SLCO6A1: variants seen among roughly 807,000 people sequenced by gnomAD.
SLCO6A1 encodes cancer/testis antigen 48.
Under a neutral mutation model 72.7 loss-of-function variants are expected in SLCO6A1, and 65 were observed. The observed-to-expected ratio is 0.89, with a 90% CI of 0.73 to 1.10. The LOEUF (loss-of-function observed/expected upper bound fraction) is 1.10. Among genes scored for constraint, SLCO6A1 ranks in the 50% least tolerant of loss-of-function variants. The pLI is 0.00. For missense variants in SLCO6A1, 874 were observed against 872.6 expected (o/e 1.00, Z -0.02); for synonymous variants, 314 against 298.2 (o/e 1.05, Z -0.55).
At chr5:102,401,990 A>G (rs912967427) in intron 9 of SLCO6A1, among the ~76,000 whole-genome samples, 21 of 152,156 alleles carry the variant, frequency 1.4e-4, no homozygotes, top group African/African-American at 5.1e-4. Flanking sequence ...GAAATAAAAA[A>G]TACAACGAAG....
intron 8 of SLCO6A1, among the ~76,000 whole-genome samples, chr5:102,419,243 C>T (rs1221067275): frequency 2.0e-5 from 3 of 152,138 alleles, no homozygotes; most frequent in African/African-American, 7.2e-5. Flanking sequence ...TAGTTATTCT[C>T]AGTGAGAAGA....
chr5:102,390,233 T>C (rs1369845279), intron 11 of SLCO6A1, among the ~76,000 whole-genome samples: 1 of 152,196 alleles, frequency 6.6e-6, no homozygotes, highest in African/African-American at 2.4e-5. Context: ...TCCTGTGTAC[T>C]GACTGACTGT....
At chr5:102,412,307 C>T (rs575913886) in intron 9 of SLCO6A1, among the ~76,000 whole-genome samples, 1 of 152,108 alleles carries the variant, frequency 6.6e-6, no homozygotes, top group Non-Finnish European at 1.5e-5. Context: ...GTTCTCAGGA[C>T]CTCCCAAGGT....
chr5:102,488,189 A>C (rs935064543), intron 1 of SLCO6A1, among the ~76,000 whole-genome samples: 4 of 152,206 alleles, frequency 2.6e-5, no homozygotes, highest in African/African-American at 9.6e-5. Context: ...CAATACAATA[A>C]CTATCATTAT....
intron 4 of SLCO6A1, among the ~76,000 whole-genome samples, chr5:102,464,798 T>C (rs1751227394): frequency 6.6e-6 from 1 of 152,174 alleles, no homozygotes; most frequent in Non-Finnish European, 1.5e-5. Context: ...CTCAGATCTC[T>C]TGCCAGTGCT....
intron 4 of SLCO6A1, among the ~76,000 whole-genome samples, chr5:102,466,105 T>C (rs1751296621): frequency 6.6e-6 from 1 of 152,036 alleles, no homozygotes. Context: ...GGGGTTTGTT[T>C]TACAGATTAT....
rs938718562 is a variant in SLCO6A1 at position 102,443,940 on chromosome 5, C to G, written c.1132-5179G>C. On this transcript the variant is annotated intron_variant, in intron 6 of 13. Transcript: ENST00000506729. ...AGCAGACAGTGCTATTCAACCATCC[C>G]TATCTCGCAGTACTGTGGCTATTAG... Among the ~76,000 whole-genome samples the G allele has an allele frequency of 5.9e-5, 9 of 152,144 alleles. No homozygotes were observed. The South Asian group carries it at 8.3e-4, about 14-fold the overall frequency.
At chr5:102,401,502 A>G (rs1172258818) in intron 9 of SLCO6A1, among the ~76,000 whole-genome samples, 2 of 152,216 alleles carry the variant, frequency 1.3e-5, no homozygotes, top group Non-Finnish European at 2.9e-5. Flanking sequence ...CAGATAAAAC[A>G]GTTAAAAGTC....
At chr5:102,387,565 T>G (rs1459067567) in intron 12 of SLCO6A1, among the ~76,000 whole-genome samples, 1 of 152,186 alleles carries the variant, frequency 6.6e-6, no homozygotes, top group African/African-American at 2.4e-5. Flanking sequence ...CTTTTTTGAT[T>G]TTGTTTTATT....
At chr5:102,412,571 G>A (rs1748043757) in intron 9 of SLCO6A1, among the ~76,000 whole-genome samples, 1 of 151,924 alleles carries the variant, frequency 6.6e-6, no homozygotes, top group Non-Finnish European at 1.5e-5. Context: ...GACCAGCTTG[G>A]GCAGCATGGC....
At chr5:102,483,375 T>A (rs1016410025) in intron 1 of SLCO6A1, among the ~76,000 whole-genome samples, 1 of 152,202 alleles carries the variant, frequency 6.6e-6, no homozygotes, top group African/African-American at 2.4e-5. Flanking sequence ...AAGTCTATAA[T>A]GCTACCATAG....
At chr5:102,442,136 T>C (rs2112691992) in intron 6 of SLCO6A1, among the ~76,000 whole-genome samples, 1 of 152,332 alleles carries the variant, frequency 6.6e-6, no homozygotes, top group African/African-American at 2.4e-5. Flanking sequence ...GTTTTTAATC[T>C]TGGCCCTGGA....
chr5:102,441,467 A>G (rs1749828025), intron 6 of SLCO6A1, among the ~76,000 whole-genome samples: 1 of 152,148 alleles, frequency 6.6e-6, no homozygotes. Context: ...TTTTTACTAC[A>G]GTGGTTTTTC....
rs551386937 is a variant in SLCO6A1 at position 102,405,022 on chromosome 5, A to T, written c.1627-5280T>A. ...AGAATTCTCCAACACAGGAACATGA[A>T]TTTAAAAGCCAAAATATTCATTATG... On this transcript the variant is annotated intron_variant, in intron 9 of 13. Transcript: ENST00000506729. Among the ~76,000 whole-genome samples the T allele has an allele frequency of 7.5e-4, 114 of 152,258 alleles. 1 individual carries two copies. The South Asian group carries it at 0.023, about 30-fold the overall frequency.
At chr5:102,454,623 T>G (rs999464849) in intron 6 of SLCO6A1, among the ~76,000 whole-genome samples, 1 of 151,766 alleles carries the variant, frequency 6.6e-6, no homozygotes, top group Non-Finnish European at 1.5e-5. Context: ...AATAATAAAA[T>G]CCTCCATTTC....
chr5:102,458,116 G>T (rs377291261), intron 6 of SLCO6A1, among the ~76,000 whole-genome samples: 3 of 152,168 alleles, frequency 2.0e-5, no homozygotes, highest in East Asian at 1.9e-4. Context: ...TGGGTGGAGG[G>T]GGGAGGGATA....
chr5:102,413,865 G>A (rs1488479161), intron 8 of SLCO6A1, among the ~76,000 whole-genome samples: 1 of 152,094 alleles, frequency 6.6e-6, no homozygotes, highest in Non-Finnish European at 1.5e-5. Flanking sequence ...AGTGACAAAT[G>A]ATGTCGATCA....
At chr5:102,458,275 C>A in intron 6 of SLCO6A1, 107 bp downstream of exon 6, 1 of 768,758 alleles carries the variant, frequency 1.3e-6, no homozygotes, top group Non-Finnish European at 2.1e-6. Flanking sequence ...AAAAAAGTCT[C>A]ACCCAGATTT....
intron 1 of SLCO6A1, 56 bp from the exon 2 acceptor site, chr5:102,480,490 T>G: frequency 6.6e-7 from 1 of 1,513,580 alleles, no homozygotes; most frequent in Non-Finnish European, 8.9e-7. Context: ...GAGGTCATTA[T>G]GATTATTACA....
Sources: allele counts gnomAD v4.1 joint callset (sites outside exome capture counted in the v4.1 genomes callset), GRCh38; gene constraint gnomAD v4.1.1; transcripts MANE v1.5; gene names NCBI Gene and HGNC (gene_info 2026-07-23, HGNC 2026-07-21).